Variants in CNBD2 observed in about 807,000 individuals in gnomAD.
CNBD2 encodes cyclic nucleotide-binding domain-containing protein 2.
In CNBD2, 64 loss-of-function variants were observed where a neutral mutation model predicts 63.7. That is an observed-to-expected ratio of 1.00 (90% CI 0.82 to 1.24). CNBD2 has a LOEUF of 1.24. CNBD2 is among the 50% of genes most tolerant of loss of function. CNBD2 has a pLI of 0.00. For missense variants in CNBD2, 691 were observed against 713.5 expected (o/e 0.97, Z 0.36); for synonymous variants, 229 against 255.4 (o/e 0.90, Z 0.99).
In CNBD2 at chr20:35,995,059, C is replaced by T. The variant is rs775896271; in HGVS notation, c.877C>T (p.Leu293=). 2 of 1,614,126 alleles carry T rather than the reference C, an allele frequency of 1.2e-6. No homozygotes were observed. Among genetic ancestry groups the T allele is most frequent in the Non-Finnish European group, 1.7e-6 (2 of 1,179,952 alleles). The change falls in exon 8 of 12, where the codon CTG becomes TTG. Residue 293 remains leucine (L), a synonymous_variant. Coordinates refer to ENST00000373973, the MANE Select transcript of CNBD2 (RefSeq NM_001365709.1). Reference sequence around the variant, plus strand: ...TCAGGGCAGCTGTGAAGTCCTGCGGCTGTTGGACCTTGGGGCCTCCCCTTC... The same window carrying T: ...TCAGGGCAGCTGTGAAGTCCTGCGGTTGTTGGACCTTGGGGCCTCCCCTTC... The part of the protein sequence containing the change: ...ISKGSCEVLR[L]LDLGASPSYR...
intron 2 of CNBD2, among the ~76,000 whole-genome samples, chr20:35,962,687 T>G (rs925007576): frequency 1.3e-5 from 2 of 152,278 alleles, no homozygotes; most frequent in African/African-American, 4.8e-5. Context: ...CTTAGCTATG[T>G]TAACATAATG....
At chr20:36,019,210 C>T (rs2057174386) in intron 10 of CNBD2, among the ~76,000 whole-genome samples, 1 of 151,942 alleles carries the variant, frequency 6.6e-6, no homozygotes, top group Non-Finnish European at 1.5e-5. Flanking sequence ...GATGTTTAAG[C>T]TGAGACCTGA....
In CNBD2 at chr20:35,980,576, G is replaced by A. The variant is rs372174146; in HGVS notation, c.361G>A (p.Ala121Thr). Reference sequence around the variant, plus strand: ...GGTTCTGGATAGCTATCGGAACTACGCAGAGCCCCTGCAGCTGCTCCTGGC... The same window carrying A: ...GGTTCTGGATAGCTATCGGAACTACACAGAGCCCCTGCAGCTGCTCCTGGC... The part of the protein sequence containing the change: ...LQVLDSYRNY[A>T]EPLQLLLAKV... Residue 121 changes from alanine (A) to threonine (T), a missense_variant, in exon 4 of 12, where the codon GCA becomes ACA. Ala to Thr is a moderately conservative substitution (Grantham distance 58). Coordinates refer to ENST00000373973, the MANE Select transcript of CNBD2 (RefSeq NM_001365709.1). 83 of 1,614,010 alleles carry A rather than the reference G, an allele frequency of 5.1e-5. 1 individual carries two copies. The South Asian group carries it at 6.9e-4, about 13-fold the overall frequency.
chr20:35,975,420 C>T (rs2056497972), intron 2 of CNBD2, among the ~76,000 whole-genome samples: 1 of 112,764 alleles, frequency 8.9e-6, no homozygotes, highest in Non-Finnish European at 1.9e-5. Context: ...CCTGCCTCAG[C>T]CTCCCGAGTA....
At chr20:36,009,287 C>T (rs1427107312) in intron 9 of CNBD2, among the ~76,000 whole-genome samples, 1 of 151,692 alleles carries the variant, frequency 6.6e-6, no homozygotes, top group Non-Finnish European at 1.5e-5. Context: ...CTGTAAGCTC[C>T]GCCTCCCGGG....
chr20:35,972,911 A>G (rs1043649450), intron 2 of CNBD2, 145 bp downstream of exon 2: 2 of 722,140 alleles, frequency 2.8e-6, no homozygotes. Flanking sequence ...ATTAATGGCC[A>G]TACTTCTGTT....
At chr20:35,981,822 C>A (rs896472595) in intron 4 of CNBD2, among the ~76,000 whole-genome samples, 3 of 152,140 alleles carry the variant, frequency 2.0e-5, no homozygotes, top group Non-Finnish European at 4.4e-5. Context: ...GGAGGCTGGG[C>A]AGTACTGACT....
upstream of CNBD2, among the ~76,000 whole-genome samples, chr20:35,964,620 C>T (rs2056331343): frequency 6.6e-6 from 1 of 150,984 alleles, no homozygotes; most frequent in Non-Finnish European, 1.5e-5. Flanking sequence ...TGGTCTCGAT[C>T]TCCTGACCTC....
In CNBD2 at chr20:35,976,006, T is replaced by C; in HGVS notation, c.243+4T>C. 6.2e-7 allele frequency: 1 copy of C among 1,607,442 alleles called. No individual in the cohort carries two copies. Among genetic ancestry groups the C allele is most frequent in the Non-Finnish European group, 8.5e-7 (1 of 1,174,604 alleles). Reference sequence around the variant, plus strand: ...CATGGACTTCATTGCAGAGGAGGTATGCATAGCTCGAAACTTGCTGTGGGG... The same window carrying C: ...CATGGACTTCATTGCAGAGGAGGTACGCATAGCTCGAAACTTGCTGTGGGG... On this transcript the variant is annotated splice_donor_region_variant and intron_variant, in intron 3 of 11. Coordinates refer to ENST00000373973, the MANE Select transcript of CNBD2 (RefSeq NM_001365709.1).
intron 2 of CNBD2, among the ~76,000 whole-genome samples, chr20:35,961,467 T>G (rs1032231589): frequency 2.0e-5 from 3 of 152,222 alleles, no homozygotes; most frequent in East Asian, 3.8e-4. Flanking sequence ...TGTTTTAAAA[T>G]TCATTAAGCC....
At chr20:35,977,814 A>T (rs2056542040) in intron 3 of CNBD2, among the ~76,000 whole-genome samples, 2 of 152,196 alleles carry the variant, frequency 1.3e-5, no homozygotes, top group African/African-American at 4.8e-5. Flanking sequence ...ACACTAAAAA[A>T]CACTGAATTG....
chr20:35,972,136 A>T (rs541812390), intron 1 of CNBD2, among the ~76,000 whole-genome samples: 28 of 152,320 alleles, frequency 1.8e-4, no homozygotes, highest in African/African-American at 6.7e-4. Context: ...CTCAAGGCTC[A>T]CGGCCTTTTC....
chr20:36,000,303 G>T (rs2056878557), intron 8 of CNBD2, among the ~76,000 whole-genome samples: 3 of 151,840 alleles, frequency 2.0e-5, no homozygotes, highest in African/African-American at 7.3e-5. Flanking sequence ...TTTTTGACTT[G>T]CATTGTTTTC....
chr20:35,987,741 A>G (rs2056688990), intron 7 of CNBD2, among the ~76,000 whole-genome samples: 1 of 152,244 alleles, frequency 6.6e-6, no homozygotes, highest in South Asian at 2.1e-4. Context: ...TGTGTTAGAA[A>G]GAGGACCAAG....
chr20:35,994,586 AAAG>A (rs1031691060), intron 7 of CNBD2, among the ~76,000 whole-genome samples: 1 of 150,828 alleles, frequency 6.6e-6, no homozygotes, highest in Non-Finnish European at 1.5e-5. Context: ...AAAAAAAAAA[AAAG>A]AAAAAAAAAA....
In CNBD2 at chr20:36,030,403, A is replaced by G. The variant is rs1475820423; in HGVS notation, c.1486A>G (p.Ile496Val). ...QKFLQQNSWN[I>V]FRKDLLQLLV... is the part of the protein sequence containing the mutation. ...GTTCCTCCAGCAGAACAGCTGGAATATCTTTCGGAAGGACCTGTTGCAGCT... is the reference window on the plus strand; with the variant it reads ...GTTCCTCCAGCAGAACAGCTGGAATGTCTTTCGGAAGGACCTGTTGCAGCT... Residue 496 changes from isoleucine (I) to valine (V), a missense_variant, in exon 12 of 12, where the codon ATC becomes GTC. Coordinates refer to ENST00000373973, the MANE Select transcript of CNBD2 (RefSeq NM_001365709.1). 6.2e-7 allele frequency: 1 copy of G among 1,614,150 alleles called. No individual in the cohort carries two copies. The highest frequency in any genetic ancestry group is 1.1e-5 in the South Asian group (1 of 91,078).
chr20:35,984,868 T>C, intron 6 of CNBD2, 90 bp downstream of exon 6: 2 of 1,337,448 alleles, frequency 1.5e-6, no homozygotes, highest in Non-Finnish European at 2.1e-6. Context: ...GGAAACATAC[T>C]GGTTGCTGTT....
At chr20:35,982,290 T>A (rs2056608188) in intron 4 of CNBD2, among the ~76,000 whole-genome samples, 1 of 151,980 alleles carries the variant, frequency 6.6e-6, no homozygotes, top group Non-Finnish European at 1.5e-5. Context: ...AAGGGCAGAC[T>A]TTTTTTTACC....
At chr20:36,000,679 C>T (rs548294126) in intron 8 of CNBD2, among the ~76,000 whole-genome samples, 64 of 152,086 alleles carry the variant, frequency 4.2e-4, no homozygotes, top group African/African-American at 1.5e-3. Flanking sequence ...GTGCCTCAGC[C>T]TCACGAGTAG....
Sources: allele counts gnomAD v4.1 joint callset (sites outside exome capture counted in the v4.1 genomes callset), GRCh38; gene constraint gnomAD v4.1.1; transcripts MANE v1.5; gene names NCBI Gene and HGNC (gene_info 2026-07-23, HGNC 2026-07-21).